Variants in PLPPR5 observed in about 807,000 individuals in gnomAD.
PLPPR5 encodes phospholipid phosphatase related 5, also known as phospholipid phosphatase-related protein type 5.
PLPPR5 carries 16 observed loss-of-function variants against 33.9 expected under a neutral mutation model. The observed-to-expected ratio is 0.47, with a 90% CI of 0.32 to 0.72. PLPPR5 has a LOEUF of 0.72. Ranked by LOEUF, PLPPR5 falls within the 30% of genes least tolerant of loss-of-function variation. The pLI is 0.03. For synonymous variants in PLPPR5, 163 were observed against 150.3 expected (o/e 1.08, Z -0.62); for missense variants, 301 against 406.7 (o/e 0.74, Z 2.23).
Position 99,004,736 on chromosome 1 carries a change from G to C in PLPPR5, c.-65C>G. The C allele has an allele frequency of 9.0e-7, 1 of 1,113,780 alleles. No individual in the cohort carries two copies. The highest frequency in any genetic ancestry group is 1.1e-6 in the Non-Finnish European group (1 of 870,326). 69.0% of individuals were successfully genotyped at this position (1,113,780 alleles called of 1,614,324 possible). A position where few individuals can be genotyped will look rare whatever the true frequency, so the allele number is the denominator to read the frequency against. The stretch of plus-strand genomic sequence containing the variant: ...GGTCGACGCGGTGGGCCCCCTCCCC[G>C]GTCCGCCGAGGCAGCCACCGGGGGC... On this transcript the variant is annotated 5_prime_UTR_variant, in exon 1 of 6. Transcript: ENST00000263177.
chr1:98,955,563 T>G (rs576108138), intron 2 of PLPPR5, among the ~76,000 whole-genome samples: 29 of 152,214 alleles, frequency 1.9e-4, no homozygotes, highest in African/African-American at 6.7e-4. Context: ...GATACATAAC[T>G]TGATGTCAGT....
intron 1 of PLPPR5, among the ~76,000 whole-genome samples, chr1:98,978,495 A>G (rs990889339): frequency 6.6e-6 from 1 of 152,062 alleles, no homozygotes; most frequent in Non-Finnish European, 1.5e-5. Context: ...CAGACTAAGT[A>G]GAAGAAACAT....
chr1:98,982,683 T>A lies in PLPPR5; in HGVS notation c.237+21752A>T, dbSNP rs1652098552. ...AGCCAATTAAGATCTTTGAATTAAA[T>A]GTGTTGTAATTTTGTCTTTTGACAG... On this transcript the variant is annotated intron_variant, in intron 1 of 5. Coordinates refer to ENST00000263177, the MANE Select transcript of PLPPR5 (RefSeq NM_001037317.2). Among the ~76,000 whole-genome samples, 5 of 152,200 alleles carry A rather than the reference T, an allele frequency of 3.3e-5. No homozygotes were observed. The South Asian group carries it at 1.0e-3, about 32-fold the overall frequency.
At chr1:98,989,174 C>T (rs1467497711) in intron 1 of PLPPR5, among the ~76,000 whole-genome samples, 1 of 152,090 alleles carries the variant, frequency 6.6e-6, no homozygotes, top group African/African-American at 2.4e-5. Context: ...AATAAACAGC[C>T]TATTTGGTTA....
chr1:98,996,886 GA>G (rs1652651852), intron 1 of PLPPR5, among the ~76,000 whole-genome samples: 1 of 152,016 alleles, frequency 6.6e-6, no homozygotes, highest in African/African-American at 2.4e-5. Flanking sequence ...TGCCTGCTAG[GA>G]ATGCCATCAT....
intron 1 of PLPPR5, among the ~76,000 whole-genome samples, chr1:98,997,458 G>A (rs892141520): frequency 1.3e-4 from 19 of 151,992 alleles, no homozygotes; most frequent in African/African-American, 4.3e-4. Context: ...CTTAATACAT[G>A]GTATCAGCTA....
chr1:98,953,828 C>T (rs1377095713), intron 2 of PLPPR5, among the ~76,000 whole-genome samples: 9 of 152,128 alleles, frequency 5.9e-5, no homozygotes, highest in Admixed American at 2.0e-4. Context: ...AAATCCAGTA[C>T]CATCAGTTTT....
chr1:98,989,929 A>G (rs1652392172), intron 1 of PLPPR5, among the ~76,000 whole-genome samples: 2 of 152,200 alleles, frequency 1.3e-5, no homozygotes, highest in Non-Finnish European at 2.9e-5. Context: ...AATCACAAAT[A>G]AAAGCCAATT....
intron 2 of PLPPR5, among the ~76,000 whole-genome samples, chr1:98,956,093 T>C (rs1264602630): frequency 1.3e-5 from 2 of 152,144 alleles, no homozygotes; most frequent in African/African-American, 4.8e-5. Flanking sequence ...CTACATTTCT[T>C]CTATTTTCCA....
At chr1:98,944,808 T>C (rs1650496699) in intron 3 of PLPPR5, among the ~76,000 whole-genome samples, 1 of 152,174 alleles carries the variant, frequency 6.6e-6, no homozygotes, top group Non-Finnish European at 1.5e-5. Context: ...TAGGGATTGA[T>C]GTGTCAGTGG....
chr1:99,001,671 G>GATATATATATATATATAGATAT (rs1553173326), intron 1 of PLPPR5, among the ~76,000 whole-genome samples: 31 of 102,176 alleles, frequency 3.0e-4, no homozygotes, highest in Admixed American at 5.1e-4. Flanking sequence ...GAAAGTTAAA[G>GATATATATATATATATAGATAT]ATATATATAT....
chr1:98,991,808 C>T lies in PLPPR5; in HGVS notation c.237+12627G>A, dbSNP rs184182910. Among the ~76,000 whole-genome samples the T allele has an allele frequency of 1.8e-3, 277 of 152,210 alleles. 1 individual carries two copies. Among genetic ancestry groups the T allele is most frequent in the Admixed American group, 3.7e-3 (57 of 15,274 alleles). On this transcript the variant is annotated intron_variant, in intron 1 of 5. Transcript: ENST00000263177. ...GAAGCAATGAGTCAGTATCCTGTCC[C>T]AGTTGGAGTTCAAACCTTTGCTAAC...
intron 3 of PLPPR5, among the ~76,000 whole-genome samples, chr1:98,939,147 T>C (rs891402127): frequency 6.6e-6 from 1 of 151,614 alleles, no homozygotes; most frequent in Non-Finnish European, 1.5e-5. Flanking sequence ...ATTAAATATA[T>C]ATTAAATTTT....
chr1:98,960,767 G>GT (rs2101227487), intron 1 of PLPPR5, among the ~76,000 whole-genome samples: 1 of 152,258 alleles, frequency 6.6e-6, no homozygotes, highest in South Asian at 2.1e-4. Context: ...AGAATCTGTG[G>GT]TGGCAATGAA....
At chr1:98,950,995 C>T (rs1570726367) in intron 3 of PLPPR5, among the ~76,000 whole-genome samples, 2 of 152,238 alleles carry the variant, frequency 1.3e-5, no homozygotes, top group African/African-American at 2.4e-5. Flanking sequence ...TGAGCCACCA[C>T]GCCCCATCTG....
At chr1:98,908,048 G>A (rs1463221145) in intron 5 of PLPPR5, among the ~76,000 whole-genome samples, 1 of 152,152 alleles carries the variant, frequency 6.6e-6, no homozygotes, top group African/African-American at 2.4e-5. Context: ...AGCTTTCTTT[G>A]GGTAGTTGCT....
rs1251808830 is a variant in PLPPR5, at chr1:98,891,190, C to T, written c.*1882G>A. Reference sequence around the variant, plus strand: ...CTAAATTTCCAACAGGACTGAATTGCTCTAGAGGTCTGAAATTAGTAGAAA... The same window carrying T: ...CTAAATTTCCAACAGGACTGAATTGTTCTAGAGGTCTGAAATTAGTAGAAA... On this transcript the variant is annotated 3_prime_UTR_variant, in exon 6 of 6. Transcript: ENST00000263177. The T allele has an allele frequency of 6.6e-6, 1 of 152,114 alleles. No homozygotes were observed. The allele number at this position is 152,114 out of a possible 1,614,324, so 9.4% of individuals were successfully genotyped here. A position where few individuals can be genotyped will look rare whatever the true frequency, so the allele number is the denominator to read the frequency against.
chr1:98,905,501 A>G (rs1648861058), intron 5 of PLPPR5, among the ~76,000 whole-genome samples: 1 of 152,188 alleles, frequency 6.6e-6, no homozygotes. Flanking sequence ...TAGCAATGCT[A>G]AGAATGAAGC....
intron 5 of PLPPR5, among the ~76,000 whole-genome samples, chr1:98,900,066 C>G (rs949158588): frequency 6.6e-6 from 1 of 152,094 alleles, no homozygotes. Flanking sequence ...CAACTTAACT[C>G]CTGTCTTACC....
Sources: allele counts gnomAD v4.1 joint callset (sites outside exome capture counted in the v4.1 genomes callset), GRCh38; gene constraint gnomAD v4.1.1; transcripts MANE v1.5; gene names NCBI Gene and HGNC (gene_info 2026-07-23, HGNC 2026-07-21).